Variants in SLC30A7 observed in about 807,000 individuals in gnomAD.
The protein encoded by SLC30A7 is solute carrier family 30 member 7, also known as zinc transporter 7.
A neutral mutation model predicts 46.0 loss-of-function variants in SLC30A7; 35 were observed. The ratio of observed to expected loss-of-function variants is 0.76; its 90% CI spans 0.58 to 1.01. SLC30A7 has a LOEUF of 1.01. SLC30A7 is among the 50% of genes least tolerant of loss of function. The pLI is 0.00. For synonymous variants in SLC30A7, 147 were observed against 157.8 expected (o/e 0.93, Z 0.51); for missense variants, 464 against 451.1 (o/e 1.03, Z -0.26).
intron 4 of SLC30A7, among the ~76,000 whole-genome samples, chr1:100,911,679 A>G (rs1652106094): frequency 2.0e-5 from 3 of 152,162 alleles, no homozygotes; most frequent in African/African-American, 7.2e-5. Context: ...CCTCCTGAGT[A>G]GCTTGGATTA....
At position 100,980,716 on chromosome 1, in the gene SLC30A7, T is replaced by A. The variant is rs1245610756; in HGVS notation, c.*5859T>A. 1.3e-5 allele frequency: 2 copies of A among 151,974 alleles called. No individual in the cohort carries two copies. Among genetic ancestry groups the A allele is most frequent in the African/African-American group, 2.4e-5 (1 of 41,414 alleles). The allele number at this position is 151,974 out of a possible 1,614,324, so 9.4% of individuals were successfully genotyped here. A position where few individuals can be genotyped will look rare whatever the true frequency, so the allele number is the denominator to read the frequency against. On this transcript the variant is annotated 3_prime_UTR_variant, in exon 11 of 11. Coordinates refer to ENST00000357650, the MANE Select transcript of SLC30A7 (RefSeq NM_133496.5). ...GCTGCTCATTCTTTTTCATATACAG[T>A]GGAAGTATACAGATGTTATCCATTT...
At chr1:100,961,007 T>A (rs1465244250) in intron 8 of SLC30A7, among the ~76,000 whole-genome samples, 2 of 143,194 alleles carry the variant, frequency 1.4e-5, no homozygotes, top group African/African-American at 5.2e-5. Flanking sequence ...CAGGCTAGAG[T>A]GCAGTGGTGC....
chr1:100,921,576 A>C, intron 7 of SLC30A7, 130 bp from the exon 8 acceptor site: 1 of 633,560 alleles, frequency 1.6e-6, no homozygotes, highest in East Asian at 2.9e-5. Flanking sequence ...TGGTGAATAT[A>C]CATGCTTACT....
intron 8 of SLC30A7, among the ~76,000 whole-genome samples, chr1:100,933,393 C>T (rs1653780053): frequency 6.6e-6 from 1 of 151,998 alleles, no homozygotes; most frequent in Admixed American, 6.6e-5. Flanking sequence ...TCATGATTCC[C>T]ATCATTGTCC....
chr1:100,906,386 G>A (rs138218194), intron 2 of SLC30A7, among the ~76,000 whole-genome samples: 6 of 152,220 alleles, frequency 3.9e-5, no homozygotes, highest in African/African-American at 9.6e-5. Context: ...TGATCTTGCC[G>A]CTCTCCCTCT....
intron 3 of SLC30A7, among the ~76,000 whole-genome samples, chr1:100,907,513 A>G (rs1360590687): frequency 6.6e-6 from 1 of 152,000 alleles, no homozygotes; most frequent in African/African-American, 2.4e-5. Flanking sequence ...GAAGCAGTGG[A>G]TTTTTCATTA....
chr1:100,961,104 G>A (rs1214009482), intron 8 of SLC30A7, among the ~76,000 whole-genome samples: 4 of 151,150 alleles, frequency 2.6e-5, no homozygotes, highest in Non-Finnish European at 4.4e-5. Context: ...ACAGGCGCCC[G>A]CCACCATGCC....
intron 5 of SLC30A7, among the ~76,000 whole-genome samples, chr1:100,913,140 C>T (rs188839098): frequency 6.6e-6 from 1 of 152,044 alleles, no homozygotes; most frequent in Non-Finnish European, 1.5e-5. Context: ...TTGCATTTAG[C>T]TTTTTCTACC....
intron 3 of SLC30A7, among the ~76,000 whole-genome samples, chr1:100,908,716 T>A (rs1651873107): frequency 6.6e-6 from 1 of 152,164 alleles, no homozygotes; most frequent in Non-Finnish European, 1.5e-5. Flanking sequence ...TATTTTAGAT[T>A]ATTAAAGAAA....
At chr1:100,983,887 T>A (rs181960488), downstream of SLC30A7, among the ~76,000 whole-genome samples, 1 of 152,224 alleles carries the variant, frequency 6.6e-6, no homozygotes, top group African/African-American at 2.4e-5. Flanking sequence ...TCCATCTGAT[T>A]AGCCGTCGCT....
intron 5 of SLC30A7, 88 bp from the exon 6 acceptor site, chr1:100,913,575 C>A: frequency 2.2e-6 from 2 of 926,328 alleles, no homozygotes; most frequent in Non-Finnish European, 1.7e-6. Flanking sequence ...GAGTTTAGAG[C>A]TGATTCTTTG....
chr1:100,935,140 C>T (rs1653877849), intron 8 of SLC30A7, among the ~76,000 whole-genome samples: 1 of 152,240 alleles, frequency 6.6e-6, no homozygotes, highest in South Asian at 2.1e-4. Flanking sequence ...GAAATACCCT[C>T]TATATAACCT....
chr1:100,901,423 T>C (rs750157270), intron 2 of SLC30A7, among the ~76,000 whole-genome samples: 1 of 152,216 alleles, frequency 6.6e-6, no homozygotes, highest in Non-Finnish European at 1.5e-5. Flanking sequence ...TGTATTTATG[T>C]ATTCAGGTTT....
At chr1:100,933,143 T>A (rs914844515) in intron 8 of SLC30A7, among the ~76,000 whole-genome samples, 1 of 151,710 alleles carries the variant, frequency 6.6e-6, no homozygotes, top group Non-Finnish European at 1.5e-5. Flanking sequence ...ACCCAGCTAA[T>A]TTTTGTATTT....
chr1:100,948,269 T>C (rs1262923895), intron 8 of SLC30A7, among the ~76,000 whole-genome samples: 1 of 152,228 alleles, frequency 6.6e-6, no homozygotes, highest in Non-Finnish European at 1.5e-5. Context: ...TTTGCTTGTC[T>C]GTAAAAGATT....
At chr1:100,968,385 C>T (rs1476229227) in intron 10 of SLC30A7, among the ~76,000 whole-genome samples, 1 of 151,482 alleles carries the variant, frequency 6.6e-6, no homozygotes, top group Non-Finnish European at 1.5e-5. Context: ...CGCTTGAACC[C>T]AGGAGGCAGA....
downstream of SLC30A7, among the ~76,000 whole-genome samples, chr1:100,984,482 CCTTGAGAAT>C (rs1478693441): frequency 6.6e-6 from 1 of 152,100 alleles, no homozygotes; most frequent in Non-Finnish European, 1.5e-5. Flanking sequence ...TTCTATTTAG[CCTTGAGAAT>C]CTTGAGAACT....
chr1:100,939,310 A>C (rs1654193557), intron 8 of SLC30A7, among the ~76,000 whole-genome samples: 1 of 152,198 alleles, frequency 6.6e-6, no homozygotes, highest in Non-Finnish European at 1.5e-5. Flanking sequence ...AAACTATGAC[A>C]GACAATTTAG....
chr1:100,972,874 A>G (rs1185391668), intron 10 of SLC30A7, among the ~76,000 whole-genome samples: 1 of 152,104 alleles, frequency 6.6e-6, no homozygotes. Flanking sequence ...TGAGATTAGT[A>G]GGGCTGGTGT....
Sources: gnomAD v4.1 joint callset for allele counts (sites outside exome capture counted in the v4.1 genomes callset) on GRCh38, gnomAD v4.1.1 for gene constraint, MANE v1.5 for transcripts, NCBI Gene and HGNC (gene_info 2026-07-23, HGNC 2026-07-21) for gene names.